UTP18: variants seen among roughly 807,000 people sequenced by gnomAD.
The protein encoded by UTP18 is UTP18 small subunit processome component.
In UTP18, 36 loss-of-function variants were observed where a neutral mutation model predicts 61.1. The observed-to-expected ratio is 0.59, with a 90% CI of 0.45 to 0.78. The LOEUF (loss-of-function observed/expected upper bound fraction) is 0.78. Ranked by LOEUF, UTP18 falls within the 30% of genes least tolerant of loss-of-function variation. UTP18 has a pLI of 0.00. For synonymous variants in UTP18, 282 were observed against 251.1 expected (o/e 1.12, Z -1.16); for missense variants, 753 against 693.9 (o/e 1.09, Z -0.96).
chr17:51,266,927 T>G lies in UTP18; in HGVS notation c.554+647T>G, dbSNP rs192658139. On this transcript the variant is annotated intron_variant, in intron 3 of 13. Coordinates refer to ENST00000225298, the MANE Select transcript of UTP18 (RefSeq NM_016001.3). ...AGGCTGAAATGGAGTGGTGCTGTCA[T>G]GGCTCATTGCAACCTCTATCTCCTG... Among the ~76,000 whole-genome samples the G allele has an allele frequency of 2.1e-3, 324 of 152,312 alleles. 2 individuals are homozygous for G. Among genetic ancestry groups the G allele is most frequent in the African/African-American group, 6.8e-3 (284 of 41,568 alleles).
intron 1 of UTP18, among the ~76,000 whole-genome samples, chr17:51,262,091 A>ATT (rs770103950): frequency 5.6e-5 from 8 of 142,882 alleles, no homozygotes; most frequent in Admixed American, 3.5e-4. Context: ...CTAGGTTTAG[A>ATT]TTTTTTTTTT....
intron 6 of UTP18, among the ~76,000 whole-genome samples, chr17:51,276,854 C>T (rs915588466): frequency 1.3e-5 from 2 of 152,190 alleles, no homozygotes; most frequent in East Asian, 1.9e-4. Context: ...GGGGAAGGAG[C>T]GTGGAGCTTC....
chr17:51,262,301 G>T (rs187192613), intron 1 of UTP18, among the ~76,000 whole-genome samples: 6 of 152,072 alleles, frequency 3.9e-5, no homozygotes, highest in South Asian at 2.1e-4. Context: ...CGCCAGGCTG[G>T]TCTCAAACTC....
intron 12 of UTP18, chr17:51,296,282 C>A (rs1905367027): frequency 6.6e-6 from 1 of 152,078 alleles, no homozygotes; most frequent in East Asian, 1.9e-4. Context: ...TACATAGAAC[C>A]CTGTGTTTAT....
intron 9 of UTP18, among the ~76,000 whole-genome samples, chr17:51,281,399 A>G (rs957261047): frequency 2.0e-5 from 3 of 152,128 alleles, no homozygotes; most frequent in African/African-American, 7.2e-5. Context: ...TATGAAAATT[A>G]AAATAAAATT....
At chr17:51,292,166 A>G (rs1905256303) in intron 11 of UTP18, among the ~76,000 whole-genome samples, 1 of 152,226 alleles carries the variant, frequency 6.6e-6, no homozygotes, top group Admixed American at 6.5e-5. Flanking sequence ...TCTCTGTAAA[A>G]CAGGAGTCTG....
chr17:51,260,657 A>G lies in UTP18; in HGVS notation c.73A>G (p.Met25Val). ...TGAKPKRKPG[M>V]RPDWKAGAGP... ...AGCGAAGCCGAAGCGGAAGCCCGGA[A>G]TGAGGCCGGACTGGAAAGCCGGAGC... The change falls in exon 1 of 14, where the codon ATG becomes GTG. Residue 25 changes from methionine (M) to valine (V), a missense_variant. Met to Val is a conservative substitution (Grantham distance 21). Transcript: ENST00000225298. 3.1e-6 allele frequency: 5 copies of G among 1,612,252 alleles called. No homozygotes were observed. The South Asian group carries it at 5.5e-5, about 18-fold the overall frequency.
chr17:51,261,110 A>G (rs2055459841), intron 1 of UTP18, among the ~76,000 whole-genome samples, 184 bp downstream of exon 1: 1 of 152,234 alleles, frequency 6.6e-6, no homozygotes, highest in South Asian at 2.1e-4. Flanking sequence ...CTCCAGACTG[A>G]AAGTGCCTGG....
At chr17:51,290,124 T>C (rs1905206668) in intron 11 of UTP18, among the ~76,000 whole-genome samples, 1 of 151,922 alleles carries the variant, frequency 6.6e-6, no homozygotes, top group Admixed American at 6.5e-5. Flanking sequence ...CCTTAAGAAA[T>C]GTTTTGTTGC....
intron 3 of UTP18, among the ~76,000 whole-genome samples, chr17:51,268,014 G>GTTTTTTTTT (rs895927915): frequency 3.9e-5 from 5 of 127,078 alleles, no homozygotes; most frequent in African/African-American, 9.0e-5. Context: ...TTTGTTTTTT[G>GTTTTTTTTT]TTTTTTTTTT....
intron 5 of UTP18, among the ~76,000 whole-genome samples, chr17:51,273,734 T>TAAA (rs1330052621): frequency 1.8e-4 from 26 of 145,978 alleles, no homozygotes; most frequent in African/African-American, 6.8e-4. Context: ...ACCCTGTCTC[T>TAAA]AAAATAATAA....
intron 11 of UTP18, among the ~76,000 whole-genome samples, chr17:51,289,540 T>C (rs1905195574): frequency 6.6e-6 from 1 of 152,060 alleles, no homozygotes; most frequent in Non-Finnish European, 1.5e-5. Context: ...CTTGGGCCTA[T>C]GTAAACTCTT....
At chr17:51,293,779 C>G in intron 11 of UTP18, 124 bp from the exon 12 acceptor site, 3 of 822,092 alleles carry the variant, frequency 3.6e-6, no homozygotes, top group Middle Eastern at 4.0e-4. Context: ...ATAGACTGTA[C>G]TTTCTTGTGT....
At chr17:51,265,491 G>A (rs1048580362) in intron 2 of UTP18, among the ~76,000 whole-genome samples, 27 of 149,992 alleles carry the variant, frequency 1.8e-4, no homozygotes, top group African/African-American at 6.4e-4. Context: ...TCGAGCTCCC[G>A]ACCTTCAGTG....
At chr17:51,281,061 C>T (rs1904901282) in intron 9 of UTP18, among the ~76,000 whole-genome samples, 1 of 151,000 alleles carries the variant, frequency 6.6e-6, no homozygotes, top group African/African-American at 2.4e-5. Context: ...GCCTGTAATC[C>T]CAGCTAGTTG....
At position 51,260,685 on chromosome 17, in the gene UTP18, G is replaced by A; in HGVS notation, c.101G>A (p.Gly34Glu). 2 of 1,608,218 alleles carry A rather than the reference G, an allele frequency of 1.2e-6. No homozygotes were observed. The highest frequency in any genetic ancestry group is 2.2e-5 in the South Asian group (2 of 90,496). The stretch of plus-strand genomic sequence containing the variant: ...AGGCCGGACTGGAAAGCCGGAGCGG[G>A]GCCAGGCGGGCCTCCCCAAAAGCCT... ...GMRPDWKAGA[G>E]PGGPPQKPAP... The change falls in exon 1 of 14, where the codon GGG (glycine) becomes GAG (glutamate). Residue 34 changes from glycine (G) to glutamate (E), a missense_variant. Physicochemically the swap from Gly to Glu is moderately conservative, Grantham distance 98. Coordinates refer to ENST00000225298, the MANE Select transcript of UTP18 (RefSeq NM_016001.3).
chr17:51,273,646 C>G (rs1904610087), intron 5 of UTP18, among the ~76,000 whole-genome samples, 196 bp downstream of exon 5: 1 of 149,692 alleles, frequency 6.7e-6, no homozygotes, highest in South Asian at 2.1e-4. Flanking sequence ...TATTATGTTC[C>G]TATTGCTTGA....
At chr17:51,285,834 G>C (rs1055653851) in intron 10 of UTP18, among the ~76,000 whole-genome samples, 1 of 152,130 alleles carries the variant, frequency 6.6e-6, no homozygotes, top group Non-Finnish European at 1.5e-5. Context: ...ATCCACTGGG[G>C]GTCTTGGAAC....
rs528504865 is a variant in UTP18, at chr17:51,294,021, A to G, written c.1622A>G (p.Glu541Gly). ...AGTGGATACTTTGCCTTGGGGAATG[A>G]AAAGGGCAAGGCCCTGATGTATAGG... ...PRSGYFALGN[E>G]KGKALMYRLH... Residue 541 changes from glutamate (E) to glycine (G), a missense_variant, in exon 12 of 14, where the codon GAA becomes GGA. Glu to Gly is a moderately conservative substitution (Grantham distance 98). Transcript: ENST00000225298. 7.5e-6 allele frequency: 12 copies of G among 1,609,200 alleles called. No homozygotes were observed. Among genetic ancestry groups the G allele is most frequent in the Non-Finnish European group, 9.3e-6 (11 of 1,177,898 alleles).
Sources: gnomAD v4.1 joint callset for allele counts (sites outside exome capture counted in the v4.1 genomes callset) on GRCh38, gnomAD v4.1.1 for gene constraint, MANE v1.5 for transcripts, NCBI Gene and HGNC (gene_info 2026-07-23, HGNC 2026-07-21) for gene names.